Variants in FGFR1 observed in about 807,000 individuals in gnomAD.
FGFR1 encodes the protein fibroblast growth factor receptor 1, also known as FGFR1/PLAG1 fusion.
FGFR1 carries 18 observed loss-of-function variants against 93.7 expected under a neutral mutation model. The ratio of observed to expected loss-of-function variants is 0.19; its 90% CI spans 0.13 to 0.28. The LOEUF (loss-of-function observed/expected upper bound fraction) is 0.28, where lower values mean the gene tolerates loss of function less well. FGFR1 is among the 10% of genes least tolerant of loss of function. The pLI is 1.00. For missense variants in FGFR1, 731 were observed against 1,080.4 expected, an observed-to-expected ratio of 0.68 and a Z score of 4.53; for synonymous variants, 448 against 429.3, an observed-to-expected ratio of 1.04 and a Z score of -0.54.
rs1563474774 is a variant in FGFR1 at position 38,421,808 on chromosome 8, G to C, written c.1070C>G (p.Thr357Ser). ...GTTACAGTGTGTACCTTCCAGAACG[G>C]TCAACCATGCAGAGTGATGGGAGAG... ...IGLSHHSAWL[T>S]VLEALEERPA... is the part of the protein sequence containing the mutation. Residue 357 changes from threonine to serine, a missense_variant, in exon 8 of 18, where the codon ACC becomes AGC. Around this residue, in one of 10 missense-constraint regions of FGFR1, gnomAD observed 146 missense variants for 173.0 expected, o/e 0.84. Coordinates refer to ENST00000447712, the MANE Select transcript of FGFR1 (RefSeq NM_023110.3). 6.2e-7 allele frequency: 1 copy of C among 1,613,970 alleles called. No homozygotes were observed. Among genetic ancestry groups the C allele is most frequent in the Non-Finnish European group, 8.5e-7 (1 of 1,180,010 alleles).
chr8:38,418,400 G>C (rs1426004447), intron 9 of FGFR1, 27 bp from the exon 10 acceptor site: 2 of 1,609,526 alleles, frequency 1.2e-6, no homozygotes, highest in Non-Finnish European at 1.7e-6. Context: ...GGTCACCCTA[G>C]AGCAAGGAGG....
chr8:38,453,329 A>G (rs1169995774), intron 2 of FGFR1, among the ~76,000 whole-genome samples: 1 of 152,224 alleles, frequency 6.6e-6, no homozygotes, highest in Non-Finnish European at 1.5e-5. Flanking sequence ...AGGGACCCAC[A>G]ACGGCCATTG....
chr8:38,449,658 C>CCA (rs1476051878), intron 2 of FGFR1, among the ~76,000 whole-genome samples: 4 of 140,086 alleles, frequency 2.9e-5, no homozygotes, highest in Non-Finnish European at 6.3e-5. Context: ...GGCACAGCCC[C>CCA]CACCCCACCT....
intron 10 of FGFR1, 90 bp downstream of exon 10, chr8:38,418,138 C>G: frequency 6.2e-7 from 1 of 1,603,186 alleles, no homozygotes; most frequent in Non-Finnish European, 8.5e-7. Context: ...GAACCTTCAC[C>G]GCCCAGAAGG....
At position 38,413,421 on chromosome 8, in the gene FGFR1, T is replaced by G. The variant is rs1815046614; in HGVS notation, c.*207A>C. On this transcript the variant is annotated 3_prime_UTR_variant, in exon 18 of 18. Transcript: ENST00000447712. This position sits in a 1 kb window ranked among gnomAD's most constrained non-coding sequence, Gnocchi z 4.2. ...GGCTGGCAGCAAAGATCTGCCTCTT[T>G]GCACCTCTCACCAGCAGGTGGAGAG... 1.7e-6 allele frequency: 1 copy of G among 596,476 alleles called. No individual in the cohort carries two copies. Among genetic ancestry groups the G allele is most frequent in the Non-Finnish European group, 3.0e-6 (1 of 336,508 alleles). 36.9% of individuals were successfully genotyped at this position (596,476 alleles called of 1,614,324 possible).
intron 2 of FGFR1, among the ~76,000 whole-genome samples, chr8:38,455,493 G>A (rs968526302): frequency 5.3e-5 from 8 of 152,046 alleles, no homozygotes; most frequent in East Asian, 1.9e-4. Context: ...GGGTTTCACC[G>A]TGTTAGGCAG....
At chr8:38,437,003 C>T (rs1306828167) in intron 2 of FGFR1, among the ~76,000 whole-genome samples, 1 of 152,158 alleles carries the variant, frequency 6.6e-6, no homozygotes, top group Non-Finnish European at 1.5e-5. Flanking sequence ...GTGCCTCAGT[C>T]CCGAGTAGCT....
At position 38,465,878 on chromosome 8, in the gene FGFR1, C is replaced by T. The variant is rs140584940; in HGVS notation, c.-89+2103G>A. On this transcript the variant is annotated intron_variant, in intron 1 of 17. Transcript: ENST00000447712. ...AGGTGCAAAGGGTAGGGCACATCTG[C>T]GGAGGAAACAGTCACCTTAATTACC... The T allele has an allele frequency of 4.4e-4, 98 of 223,578 alleles. 2 individuals carry two copies. Among genetic ancestry groups the T allele is most frequent in the African/African-American group, 1.8e-3 (82 of 44,856 alleles). 13.8% of individuals were successfully genotyped at this position (223,578 alleles called of 1,614,324 possible). A position where few individuals can be genotyped will look rare whatever the true frequency, so the allele number is the denominator to read the frequency against.
chr8:38,450,820 C>T (rs1343815461), intron 2 of FGFR1, among the ~76,000 whole-genome samples: 1 of 152,224 alleles, frequency 6.6e-6, no homozygotes, highest in Non-Finnish European at 1.5e-5. Context: ...ATCAGTGAAG[C>T]TAATGGTGTA....
At chr8:38,440,545 G>GC (rs776881046) in intron 2 of FGFR1, among the ~76,000 whole-genome samples, 12 of 151,446 alleles carry the variant, frequency 7.9e-5, no homozygotes, top group Non-Finnish European at 1.0e-4. Context: ...GCGTCCACCA[G>GC]CCCCCCGACC....
intron 2 of FGFR1, among the ~76,000 whole-genome samples, chr8:38,438,229 A>G (rs1332899098): frequency 1.3e-5 from 2 of 152,190 alleles, no homozygotes; most frequent in Admixed American, 6.5e-5. Flanking sequence ...GAATCTTGTG[A>G]AGTATTTAAG....
chr8:38,434,387 A>G, intron 2 of FGFR1: 1 of 274,210 alleles, frequency 3.6e-6, no homozygotes, highest in Non-Finnish European at 7.3e-6. Flanking sequence ...GTTGACTTTG[A>G]GCATCTGCAA....
intron 1 of FGFR1, among the ~76,000 whole-genome samples, chr8:38,462,274 G>C (rs934409961): frequency 3.3e-5 from 5 of 152,156 alleles, no homozygotes; most frequent in Admixed American, 2.6e-4. Context: ...GGGAGGCTGA[G>C]GTGGGCAAAT....
At chr8:38,419,433 TA>T in intron 9 of FGFR1, 99 bp downstream of exon 9, 1 of 1,147,182 alleles carries the variant, frequency 8.7e-7, no homozygotes. Flanking sequence ...AGCCAGAAAA[TA>T]AGGCCCAAAG....
At chr8:38,439,782 T>C (rs1826745680) in intron 2 of FGFR1, among the ~76,000 whole-genome samples, 1 of 152,202 alleles carries the variant, frequency 6.6e-6, no homozygotes, top group African/African-American at 2.4e-5. Context: ...CTCACTCTTC[T>C]GAGACTGGCC....
rs1447285390 is a variant in FGFR1, at chr8:38,415,042, C to G, written c.1855-141G>C. 3.4e-4 allele frequency: 224 copies of G among 666,708 alleles called. 2 individuals are homozygous for G. Among genetic ancestry groups the G allele is most frequent in the Non-Finnish European group, 3.1e-5 (12 of 385,800 alleles). The allele number at this position is 666,708 out of a possible 1,614,324, so 41.3% of individuals were successfully genotyped here. On this transcript the variant is annotated intron_variant, in intron 13 of 17. Coordinates refer to ENST00000447712, the MANE Select transcript of FGFR1 (RefSeq NM_023110.3). Reference sequence around the variant, plus strand: ...TCTGCCCCCCGAACCTTTGCTTTCCCTCTTCTAACATTCTCTGCCAGCTCC... The same window carrying G: ...TCTGCCCCCCGAACCTTTGCTTTCCGTCTTCTAACATTCTCTGCCAGCTCC...
At position 38,415,975 on chromosome 8, in the gene FGFR1, G is replaced by A. The variant is rs2150587317; in HGVS notation, c.1749C>T (p.Tyr583=). ...CTGGGTTGTGGCTGGGGTTGTAGCAGTATTCCAGCCCTGGGGGCCTCCGGG... is the reference window on the plus strand; with the variant it reads ...CTGGGTTGTGGCTGGGGTTGTAGCAATATTCCAGCCCTGGGGGCCTCCGGG... ...LQARRPPGLE[Y]CYNPSHNPEE... The change falls in exon 13 of 18, where the codon TAC becomes TAT. Residue 583 remains tyrosine, a synonymous_variant. Transcript: ENST00000447712. The A allele has an allele frequency of 6.2e-7, 1 of 1,614,118 alleles. No individual in the cohort carries two copies. The highest frequency in any genetic ancestry group is 1.1e-5 in the South Asian group (1 of 91,076).
rs1817956746 is a variant in FGFR1, at chr8:38,419,569, C to T, written c.1248G>A (p.Lys416=). The change falls in exon 9 of 18, where the codon AAG becomes AAA. Residue 416 remains lysine (K), a synonymous_variant. Coordinates refer to ENST00000447712, the MANE Select transcript of FGFR1 (RefSeq NM_023110.3). ...TGCGCAGAGGGATGCTCTTGGCCAG[C>T]TTGTGCACAGCCATCTGGCTGTGGA... ...SDFHSQMAVH[K]LAKSIPLRRQ... 2 of 1,614,052 alleles carry T rather than the reference C, an allele frequency of 1.2e-6. No homozygotes were observed. The highest frequency in any genetic ancestry group is 2.7e-5 in the African/African-American group (2 of 74,916).
intron 2 of FGFR1, chr8:38,430,181 A>G: frequency 1.8e-6 from 1 of 568,068 alleles, no homozygotes; most frequent in Non-Finnish European, 3.1e-6. Flanking sequence ...ACTCCTCCAA[A>G]AGTCAAAGGA....
Sources: gnomAD v4.1 joint callset for allele counts (sites outside exome capture counted in the v4.1 genomes callset) on GRCh38, gnomAD v4.1.1 for gene constraint, gnomAD v4.1.1 regional missense constraint, Gnocchi (gnomAD v3.1) non-coding constraint, MANE v1.5 for transcripts, NCBI Gene and HGNC (gene_info 2026-07-23, HGNC 2026-07-21) for gene names.